Variants in FASTKD5 observed in about 807,000 individuals in gnomAD.
FASTKD5 encodes the protein non-canonical pre-mRNAs endonuclease FASTKD5, mitochondrial.
FASTKD5 carries 30 observed loss-of-function variants against 44.0 expected under a neutral mutation model. The observed-to-expected ratio is 0.68, with a 90% CI of 0.51 to 0.93. The LOEUF (loss-of-function observed/expected upper bound fraction) is 0.93. FASTKD5 is among the 40% of genes least tolerant of loss of function. The probability of loss-of-function intolerance (pLI) is 0.00; values close to 1 mark genes in which losing one functional copy is unlikely to be tolerated. For missense variants in FASTKD5, 868 were observed against 908.2 expected, an observed-to-expected ratio of 0.96 and a Z score of 0.57; for synonymous variants, 335 against 342.2, an observed-to-expected ratio of 0.98 and a Z score of 0.23.
intron 1 of FASTKD5, among the ~76,000 whole-genome samples, chr20:3,153,295 A>G (rs888997044): frequency 6.6e-6 from 1 of 152,254 alleles, no homozygotes; most frequent in Non-Finnish European, 1.5e-5. Flanking sequence ...TTTGATTTGT[A>G]AAAACACAGG....
intron 1 of FASTKD5, among the ~76,000 whole-genome samples, chr20:3,159,540 C>G (rs1277120628): frequency 6.6e-6 from 1 of 152,226 alleles, no homozygotes; most frequent in Non-Finnish European, 1.5e-5. Context: ...GTCAGATAAG[C>G]CCCCTGCCAA....
At position 3,148,496 on chromosome 20, in the gene FASTKD5, T is replaced by A; in HGVS notation, c.575A>T (p.Gln192Leu). 6.2e-7 allele frequency: 1 copy of A among 1,614,154 alleles called. No homozygotes were observed. Among genetic ancestry groups the A allele is most frequent in the African/African-American group, 1.3e-5 (1 of 75,076 alleles). Residue 192 changes from glutamine (Q) to leucine (L), a missense_variant, in exon 2 of 2, where the codon CAG (glutamine) becomes CTG (leucine). Transcript: ENST00000380266. ...GAGCTGTATCTTCTTCACACTCAGC[T>A]GGCAGAGCAGAGCAAAGCTGGTACT... ...LGSTSFALLC[Q>L]LSVKKIQLFD...
At chr20:3,154,827 T>C (rs890700622) in intron 1 of FASTKD5, among the ~76,000 whole-genome samples, 1 of 150,656 alleles carries the variant, frequency 6.6e-6, no homozygotes, top group Non-Finnish European at 1.5e-5. Context: ...GAGGATAAAG[T>C]GAGTAAGAGG....
At chr20:3,157,787 A>G (rs969690534) in intron 1 of FASTKD5, among the ~76,000 whole-genome samples, 3 of 152,246 alleles carry the variant, frequency 2.0e-5, no homozygotes, top group Admixed American at 1.3e-4. Flanking sequence ...CCAAGTACCT[A>G]TAACTGTTAG....
chr20:3,155,476 A>G (rs534015385), intron 1 of FASTKD5, among the ~76,000 whole-genome samples: 4 of 152,278 alleles, frequency 2.6e-5, no homozygotes, highest in Admixed American at 1.3e-4. Context: ...GGTTGTGGTG[A>G]GGCGAGGTCG....
At chr20:3,157,629 C>T (rs1157286213) in intron 1 of FASTKD5, among the ~76,000 whole-genome samples, 4 of 152,156 alleles carry the variant, frequency 2.6e-5, no homozygotes, top group Non-Finnish European at 5.9e-5. Flanking sequence ...CTTTAGAAAA[C>T]CTCTCCATAT....
At position 3,147,653 on chromosome 20, in the gene FASTKD5, G is replaced by A. The variant is rs2066580418; in HGVS notation, c.1418C>T (p.Pro473Leu). Residue 473 changes from proline to leucine, a missense_variant, in exon 2 of 2, where the codon CCC becomes CTC. Pro to Leu is a moderately conservative substitution (Grantham distance 98). Transcript: ENST00000380266. ...AAATGCCAGGCCCAGCAGGCAGGTG[G>A]GCAGGTGTTCTGGGTACTGGTTGAA... ...PEFNQYPEHLPTCLLGLAFLE... is the reference protein window; with the variant it reads ...PEFNQYPEHLLTCLLGLAFLE... The A allele has an allele frequency of 2.5e-6, 4 of 1,614,206 alleles. No individual in the cohort carries two copies. Among genetic ancestry groups the A allele is most frequent in the African/African-American group, 1.3e-5 (1 of 75,048 alleles).
At position 3,147,729 on chromosome 20, in the gene FASTKD5, C is replaced by T; in HGVS notation, c.1342G>A (p.Glu448Lys). 1 of 1,614,248 alleles carries T rather than the reference C, an allele frequency of 6.2e-7. No individual in the cohort carries two copies. The highest frequency in any genetic ancestry group is 8.5e-7 in the Non-Finnish European group (1 of 1,180,044). Residue 448 changes from glutamate (E) to lysine (K), a missense_variant, in exon 2 of 2, where the codon GAA becomes AAA. Transcript: ENST00000380266. ...GTLNYKPPNA[E>K]EFYSSLISEI... ...CTTATCAGGCTGGAGTAAAATTCTTCTGCATTGGGTGGCTTATAATTCAGA... is the reference window on the plus strand; with the variant it reads ...CTTATCAGGCTGGAGTAAAATTCTTTTGCATTGGGTGGCTTATAATTCAGA...
At chr20:3,156,335 C>T (rs927988265) in intron 1 of FASTKD5, among the ~76,000 whole-genome samples, 3 of 151,964 alleles carry the variant, frequency 2.0e-5, no homozygotes, top group Non-Finnish European at 4.4e-5. Flanking sequence ...GCCAACATGC[C>T]CACCTAATTT....
At chr20:3,152,959 A>C (rs369245614) in intron 1 of FASTKD5, among the ~76,000 whole-genome samples, 1 of 152,126 alleles carries the variant, frequency 6.6e-6, no homozygotes. Context: ...CATTTTTTAA[A>C]TAAAATAGCT....
intron 1 of FASTKD5, among the ~76,000 whole-genome samples, chr20:3,150,200 A>C (rs2066610494): frequency 1.3e-5 from 2 of 152,146 alleles, no homozygotes; most frequent in African/African-American, 4.8e-5. Context: ...GAGAGTAGTC[A>C]CAGAGTAATG....
At position 3,146,829 on chromosome 20, in the gene FASTKD5, G is replaced by A. The variant is rs368561803; in HGVS notation, c.2242C>T (p.Arg748Cys). The change falls in exon 2 of 2, where the codon CGC (arginine) becomes TGC (cysteine). Residue 748 changes from arginine (R) to cysteine (C), a missense_variant. By Grantham distance (180) the Arg-to-Cys change is radical. Transcript: ENST00000380266. Reference protein sequence around the residue: ...WEWLPLLKRTRLEKLAFLHEK... With the variant: ...WEWLPLLKRTCLEKLAFLHEK... ...TGAAGAAACGCCAACTTTTCTAAGC[G>A]AGTTCGTTTCAGTAGTGGGAGCCAT... 2.1e-5 allele frequency: 34 copies of A among 1,614,164 alleles called. No individual in the cohort carries two copies. The Middle Eastern group carries it at 6.6e-4, about 31-fold the overall frequency.
intron 1 of FASTKD5, chr20:3,156,681 T>TA (rs2066689815): frequency 6.6e-6 from 1 of 152,254 alleles, no homozygotes; most frequent in Admixed American, 6.5e-5. Context: ...TGAAGAATCT[T>TA]ACCTTTCTCC....
At chr20:3,154,811 T>C (rs766872868) in intron 1 of FASTKD5, among the ~76,000 whole-genome samples, 33 of 151,880 alleles carry the variant, frequency 2.2e-4, no homozygotes, top group Admixed American at 5.3e-4. Flanking sequence ...GAGCAAACTA[T>C]ATTGGGAGGA....
At chr20:3,152,424 C>A (rs1210095754) in intron 1 of FASTKD5, among the ~76,000 whole-genome samples, 1 of 151,790 alleles carries the variant, frequency 6.6e-6, no homozygotes, top group Non-Finnish European at 1.5e-5. Flanking sequence ...ATCACTTGAA[C>A]CTGGGAGGCA....
intron 1 of FASTKD5, among the ~76,000 whole-genome samples, chr20:3,158,505 G>T (rs910622166): frequency 6.6e-6 from 1 of 151,770 alleles, no homozygotes; most frequent in East Asian, 1.9e-4. Context: ...ACGGACTCTC[G>T]CTCTCTCGCC....
At chr20:3,158,767 T>C (rs559754838) in intron 1 of FASTKD5, among the ~76,000 whole-genome samples, 15 of 152,346 alleles carry the variant, frequency 9.8e-5, no homozygotes, top group South Asian at 2.1e-4. Context: ...AGCCACTGTG[T>C]CCGGCCCAGA....
In FASTKD5 at chr20:3,147,063, A is replaced by AAAGG; in HGVS notation, c.2004_2007dup (p.Cys670ProfsTer7). 6.2e-7 allele frequency: 1 copy of AAAGG among 1,614,182 alleles called. No homozygotes were observed. Among genetic ancestry groups the AAAGG allele is most frequent in the Non-Finnish European group, 8.5e-7 (1 of 1,180,032 alleles). On this transcript the variant is annotated frameshift_variant, in exon 2 of 2. Transcript: ENST00000380266. LOFTEE classifies it high-confidence loss of function. The stretch of plus-strand genomic sequence containing the variant: ...GCCCCTGATTTATCTGCTACATTGC[A>AAAGG]AAGGAAGCCCCCCAGAGGTACAGCT...
chr20:3,148,161 A>T lies in FASTKD5; in HGVS notation c.910T>A (p.Ser304Thr), dbSNP rs1176164721. 1 of 1,613,684 alleles carries T rather than the reference A, an allele frequency of 6.2e-7. No homozygotes were observed. The highest frequency in any genetic ancestry group is 8.5e-7 in the Non-Finnish European group (1 of 1,179,950). Residue 304 changes from serine to threonine, a missense_variant, in exon 2 of 2, where the codon TCA becomes ACA. Transcript: ENST00000380266. Reference protein sequence around the residue: ...VSQDLMQKLESLILKYIDLIN... With the variant: ...VSQDLMQKLETLILKYIDLIN... ...AAATCTATATATTTAAGGATCAATGATTCCAATTTTTGCATTAGGTCCTGG... is the reference window on the plus strand; with the variant it reads ...AAATCTATATATTTAAGGATCAATGTTTCCAATTTTTGCATTAGGTCCTGG...
Sources: allele counts gnomAD v4.1 joint callset (sites outside exome capture counted in the v4.1 genomes callset), GRCh38; gene constraint gnomAD v4.1.1; transcripts MANE v1.5; gene names NCBI Gene and HGNC (gene_info 2026-07-23, HGNC 2026-07-21).